KCND3: variants seen among roughly 807,000 people sequenced by gnomAD.
KCND3 encodes A-type voltage-gated potassium channel KCND3.
In KCND3, 9 loss-of-function variants were observed where a neutral mutation model predicts 51.1. The ratio of observed to expected loss-of-function variants is 0.18; its 90% CI spans 0.11 to 0.31. The LOEUF is 0.31. Ranked by LOEUF, KCND3 falls within the 10% of genes least tolerant of loss-of-function variation. The pLI, the probability that KCND3 is intolerant of heterozygous loss-of-function variation, is 1.00. For synonymous variants in KCND3, 349 were observed against 368.0 expected, an observed-to-expected ratio of 0.95 and a Z score of 0.59; for missense variants, 526 against 903.8, an observed-to-expected ratio of 0.58 and a Z score of 5.36.
chr1:111,780,863 G>A lies in KCND3; in HGVS notation c.1270-72C>T. Reference sequence around the variant, plus strand: ...AAAAGACAGCAAGGCTGGTGAAGCTGTGAGGCTGGCTTCCCAGGTGACACC... The same window carrying A: ...AAAAGACAGCAAGGCTGGTGAAGCTATGAGGCTGGCTTCCCAGGTGACACC... On this transcript the variant is annotated intron_variant, in intron 3 of 7. Transcript: ENST00000302127. The surrounding 1 kb of genome is among the most constrained non-coding windows in gnomAD (Gnocchi z 4.2). The A allele has an allele frequency of 1.5e-6, 2 of 1,342,934 alleles. No homozygotes were observed. Among genetic ancestry groups the A allele is most frequent in the East Asian group, 2.4e-5 (1 of 41,924 alleles). 83.2% of individuals were successfully genotyped at this position (1,342,934 alleles called of 1,614,324 possible).
At chr1:111,955,149 C>A (rs1673263297) in intron 2 of KCND3, among the ~76,000 whole-genome samples, 1 of 152,208 alleles carries the variant, frequency 6.6e-6, no homozygotes, top group African/African-American at 2.4e-5. Context: ...GAACAGTGGC[C>A]TGTAATCTCA....
At chr1:111,944,188 CCCCTCTGT>C (rs1406957401) in intron 2 of KCND3, among the ~76,000 whole-genome samples, 1 of 152,174 alleles carries the variant, frequency 6.6e-6, no homozygotes, top group Admixed American at 6.5e-5. Flanking sequence ...GAAGCCCAGG[CCCCTCTGT>C]CCCTCTGTCC....
chr1:111,929,806 C>T (rs1424506127), intron 2 of KCND3, among the ~76,000 whole-genome samples: 1 of 152,234 alleles, frequency 6.6e-6, no homozygotes, highest in East Asian at 1.9e-4. Context: ...GTTCATTCAG[C>T]TCCAAGATAA....
intron 2 of KCND3, among the ~76,000 whole-genome samples, chr1:111,971,749 C>T (rs975490693): frequency 1.3e-5 from 2 of 152,178 alleles, no homozygotes; most frequent in African/African-American, 4.8e-5. Flanking sequence ...TCCCTCTTGA[C>T]CTCCTGACAA....
chr1:111,918,386 G>A (rs1314877558), intron 2 of KCND3, among the ~76,000 whole-genome samples: 3 of 152,180 alleles, frequency 2.0e-5, no homozygotes, highest in African/African-American at 4.8e-5. Context: ...TAATTGATAG[G>A]CATAGGGCTT....
At chr1:111,973,116 C>A (rs1258444555) in intron 2 of KCND3, among the ~76,000 whole-genome samples, 1 of 152,168 alleles carries the variant, frequency 6.6e-6, no homozygotes, top group African/African-American at 2.4e-5. Flanking sequence ...TTTTAAGCAG[C>A]TGATTTGCCT....
intron 2 of KCND3, among the ~76,000 whole-genome samples, chr1:111,925,638 T>A (rs993976257): frequency 2.0e-5 from 3 of 152,128 alleles, no homozygotes; most frequent in Non-Finnish European, 4.4e-5. Flanking sequence ...GAGGTAAAGA[T>A]GGAATAATGT....
chr1:111,933,815 T>C (rs1330153054), intron 2 of KCND3, among the ~76,000 whole-genome samples: 4 of 152,210 alleles, frequency 2.6e-5, no homozygotes, highest in Admixed American at 2.6e-4. Flanking sequence ...ACTTAATCAA[T>C]TTGCACTTGT....
At chr1:111,784,103 TCACA>T (rs369429634) in intron 3 of KCND3, among the ~76,000 whole-genome samples, 7,723 of 117,434 alleles carry the variant, frequency 0.066, 310 homozygotes, top group African/African-American at 0.14. Context: ...CATTAACTTA[TCACA>T]CACACACACA....
At chr1:111,826,147 A>G (rs554784613) in intron 2 of KCND3, among the ~76,000 whole-genome samples, 1 of 152,248 alleles carries the variant, frequency 6.6e-6, no homozygotes, top group South Asian at 2.1e-4. Context: ...TCCTTGATTC[A>G]CTTTTCTATT....
chr1:111,983,181 C>G (rs1295128635), intron 1 of KCND3, among the ~76,000 whole-genome samples: 1 of 152,178 alleles, frequency 6.6e-6, no homozygotes, highest in Non-Finnish European at 1.5e-5. Flanking sequence ...TAGATGAGTT[C>G]TCATTAAATG....
At chr1:111,978,312 C>T (rs992921124) in intron 2 of KCND3, among the ~76,000 whole-genome samples, 8 of 152,180 alleles carry the variant, frequency 5.3e-5, no homozygotes, top group Admixed American at 2.6e-4. Context: ...GAGACATTCC[C>T]GCTCCAGACT....
At chr1:111,794,726 A>G (rs759543094) in intron 2 of KCND3, among the ~76,000 whole-genome samples, 5 of 152,222 alleles carry the variant, frequency 3.3e-5, no homozygotes, top group African/African-American at 4.8e-5. Flanking sequence ...GTAGACCATC[A>G]TGGAAGACAC....
intron 2 of KCND3, among the ~76,000 whole-genome samples, chr1:111,943,002 C>T (rs984476560): frequency 6.6e-6 from 1 of 152,074 alleles, no homozygotes; most frequent in Non-Finnish European, 1.5e-5. Context: ...GGAGGGAATG[C>T]GGAGAAGACA....
chr1:111,899,112 T>C (rs994935389), intron 2 of KCND3, among the ~76,000 whole-genome samples: 1 of 152,192 alleles, frequency 6.6e-6, no homozygotes, highest in African/African-American at 2.4e-5. Context: ...TTGCTGAAGA[T>C]CTGCTCACAG....
intron 2 of KCND3, among the ~76,000 whole-genome samples, chr1:111,805,760 C>A (rs1412216968): frequency 6.6e-6 from 1 of 152,244 alleles, no homozygotes; most frequent in African/African-American, 2.4e-5. Context: ...AATGAGCCAC[C>A]TGTGTGGACG....
intron 2 of KCND3, among the ~76,000 whole-genome samples, chr1:111,862,142 T>C (rs978139517): frequency 6.6e-6 from 1 of 152,232 alleles, no homozygotes; most frequent in African/African-American, 2.4e-5. Flanking sequence ...TCTGGGGTCA[T>C]TGAGATTTTC....
intron 2 of KCND3, among the ~76,000 whole-genome samples, chr1:111,890,799 A>G (rs1340614342): frequency 2.0e-5 from 3 of 152,158 alleles, no homozygotes; most frequent in Non-Finnish European, 2.9e-5. Context: ...AAGCCTGGAG[A>G]AAAAATCAGA....
At chr1:111,920,850 A>C (rs540927909) in intron 2 of KCND3, among the ~76,000 whole-genome samples, 1 of 152,232 alleles carries the variant, frequency 6.6e-6, no homozygotes, top group African/African-American at 2.4e-5. Flanking sequence ...TTCTGGGGAT[A>C]GGCCACTGTC....
Sources: gnomAD v4.1 joint callset for allele counts (sites outside exome capture counted in the v4.1 genomes callset) on GRCh38, gnomAD v4.1.1 for gene constraint, Gnocchi (gnomAD v3.1) non-coding constraint, MANE v1.5 for transcripts, NCBI Gene and HGNC (gene_info 2026-07-23, HGNC 2026-07-21) for gene names.